The following DPP6 variants were observed in gnomAD, a reference collection of about 807,000 sequenced individuals.
The protein encoded by DPP6 is A-type potassium channel modulatory protein DPP6.
In DPP6, 69 loss-of-function variants were observed where a neutral mutation model predicts 122.6. That is an observed-to-expected ratio of 0.56 (90% CI 0.46 to 0.69). DPP6 has a LOEUF of 0.69. Among genes scored for constraint, DPP6 ranks in the 30% least tolerant of loss-of-function variants. DPP6 has a pLI of 0.00. For synonymous variants in DPP6, 418 were observed against 433.1 expected (o/e 0.97, Z 0.43); for missense variants, 928 against 1,116.9 (o/e 0.83, Z 2.41).
chr7:154,862,318 T>C (rs1184923730), intron 17 of DPP6, among the ~76,000 whole-genome samples: 2 of 152,258 alleles, frequency 1.3e-5, no homozygotes, highest in Non-Finnish European at 2.9e-5. Context: ...CAGGCTCCTA[T>C]GGATGCAGAG....
the DPP6 span, among the ~76,000 whole-genome samples, chr7:153,814,774 T>C: frequency 1.3e-5 from 2 of 152,114 alleles, no homozygotes; most frequent in Non-Finnish European, 2.9e-5. Flanking sequence ...TCAAGTCGGC[T>C]TCATCCCTGG....
chr7:153,966,613 A>T (rs1457748978), intron 1 of DPP6, among the ~76,000 whole-genome samples: 3 of 28,706 alleles, frequency 1.0e-4, no homozygotes, highest in Non-Finnish European at 1.5e-4. Context: ...TTTTTTTTAA[A>T]AAATTATACT....
chr7:153,759,667 A>G, the DPP6 span, among the ~76,000 whole-genome samples: 13 of 152,078 alleles, frequency 8.5e-5, no homozygotes, highest in Admixed American at 6.6e-4. Flanking sequence ...AATGTGGATA[A>G]CCATATGTGA....
chr7:153,815,224 C>T, the DPP6 span, among the ~76,000 whole-genome samples: 1 of 152,106 alleles, frequency 6.6e-6, no homozygotes, highest in Non-Finnish European at 1.5e-5. Context: ...TGTTTCAGCC[C>T]AAAATCTCCT....
chr7:154,727,379 G>A (rs1842115870), intron 7 of DPP6, among the ~76,000 whole-genome samples: 1 of 152,140 alleles, frequency 6.6e-6, no homozygotes, highest in South Asian at 2.1e-4. Flanking sequence ...AACAGCAAGG[G>A]AGAAATCTAG....
chr7:154,647,593 C>T (rs1836569845), intron 6 of DPP6, among the ~76,000 whole-genome samples: 1 of 152,146 alleles, frequency 6.6e-6, no homozygotes, highest in Admixed American at 6.5e-5. Context: ...CCTGGCCAAC[C>T]TCACATGTGC....
chr7:154,544,938 G>C (rs1451919958), intron 4 of DPP6, among the ~76,000 whole-genome samples: 1 of 152,188 alleles, frequency 6.6e-6, no homozygotes, highest in Non-Finnish European at 1.5e-5. Context: ...CGTGGGTCCA[G>C]GCAGCAGTAG....
chr7:153,875,990 A>T, the DPP6 span, among the ~76,000 whole-genome samples: 1 of 151,912 alleles, frequency 6.6e-6, no homozygotes, highest in Admixed American at 6.6e-5. Flanking sequence ...AGGCAAAATA[A>T]AATTGGCATA....
intron 1 of DPP6, among the ~76,000 whole-genome samples, chr7:153,967,695 G>A (rs1295050321): frequency 6.6e-6 from 1 of 152,066 alleles, no homozygotes. Flanking sequence ...ACTGTTGGTG[G>A]TGCTTCATGG....
the DPP6 span, among the ~76,000 whole-genome samples, chr7:153,878,541 T>C: frequency 6.6e-6 from 1 of 152,150 alleles, no homozygotes; most frequent in Non-Finnish European, 1.5e-5. Flanking sequence ...ATTGATTCCA[T>C]TTATATGGAG....
chr7:154,547,047 A>T (rs1829253142), intron 4 of DPP6, among the ~76,000 whole-genome samples: 3 of 152,218 alleles, frequency 2.0e-5, no homozygotes, highest in Non-Finnish European at 4.4e-5. Flanking sequence ...AGCCCAGTGC[A>T]CTGTTGAATG....
chr7:154,015,267 C>T (rs1364390363), intron 1 of DPP6, among the ~76,000 whole-genome samples: 1 of 152,072 alleles, frequency 6.6e-6, no homozygotes, highest in Non-Finnish European at 1.5e-5. Context: ...ACTCCTTTTT[C>T]CATGTCCTCG....
intron 3 of DPP6, among the ~76,000 whole-genome samples, chr7:154,501,879 TACAG>T (rs1229727670): frequency 6.6e-6 from 1 of 152,148 alleles, no homozygotes; most frequent in Non-Finnish European, 1.5e-5. Flanking sequence ...TTTGAAAAGC[TACAG>T]ACACTCAAGG....
chr7:154,431,981 G>A (rs1818466319), intron 1 of DPP6, among the ~76,000 whole-genome samples: 1 of 152,102 alleles, frequency 6.6e-6, no homozygotes. Context: ...CTGTTCCTGT[G>A]CCCTGATCTC....
At chr7:154,138,442 A>G (rs2150654984) in intron 1 of DPP6, among the ~76,000 whole-genome samples, 1 of 152,338 alleles carries the variant, frequency 6.6e-6, no homozygotes, top group East Asian at 1.9e-4. Flanking sequence ...GTAACTCTGT[A>G]ATAGAATTGG....
chr7:154,532,798 G>A (rs1308974758), intron 3 of DPP6, among the ~76,000 whole-genome samples: 1 of 151,584 alleles, frequency 6.6e-6, no homozygotes, highest in East Asian at 1.9e-4. Context: ...TATACTGATG[G>A]GGTTCAGGAT....
intron 25 of DPP6, chr7:154,890,439 C>T (rs1806499915): frequency 1.3e-5 from 2 of 152,290 alleles, no homozygotes; most frequent in Admixed American, 6.5e-5. Flanking sequence ...GACGGGGTTA[C>T]ACCACACTTG....
At position 154,201,887 on chromosome 7, in the gene DPP6, T is replaced by C. The variant is rs562518573; in HGVS notation, c.243+148824T>C. Among the ~76,000 whole-genome samples, 6 of 152,348 alleles carry C rather than the reference T, an allele frequency of 3.9e-5. No individual in the cohort carries two copies. In the South Asian group the frequency reaches 1.0e-3, roughly 26 times the overall value. ...TCTTGATCCAATTACCTAAACTTCC[T>C]AGATCTGTTTTTTAATTTTTTTTGT... is the stretch of plus-strand genomic sequence containing the variant. On this transcript the variant is annotated intron_variant, in intron 1 of 25. Transcript: ENST00000377770.
chr7:154,016,488 C>T (rs184041397), intron 1 of DPP6, among the ~76,000 whole-genome samples: 2,180 of 151,460 alleles, frequency 0.014, 52 homozygotes, highest in African/African-American at 0.051. Context: ...AGGATCTGGG[C>T]ATGGTGGCTC....
Sources: allele counts gnomAD v4.1 joint callset (sites outside exome capture counted in the v4.1 genomes callset), GRCh38; gene constraint gnomAD v4.1.1; transcripts MANE v1.5; gene names NCBI Gene and HGNC (gene_info 2026-07-23, HGNC 2026-07-21).